Variants in FHIT observed in about 807,000 individuals in gnomAD.
The protein encoded by FHIT is fragile histidine triad diadenosine triphosphatase, also known as bis(5'-adenosyl)-triphosphatase.
FHIT carries 19 observed loss-of-function variants against 17.9 expected under a neutral mutation model. The ratio of observed to expected loss-of-function variants is 1.06; its 90% CI spans 0.74 to 1.56. The LOEUF (loss-of-function observed/expected upper bound fraction) is 1.56. Ranked by LOEUF, FHIT falls within the 40% of genes most tolerant of loss-of-function variation. The pLI, the probability that FHIT is intolerant of heterozygous loss-of-function variation, is 0.00. For missense variants in FHIT, 248 were observed against 189.2 expected (o/e 1.31, Z -1.82); for synonymous variants, 81 against 69.7 (o/e 1.16, Z -0.81).
intron 3 of FHIT, among the ~76,000 whole-genome samples, chr3:60,842,614 C>CAT (rs1373895016): frequency 1.7e-5 from 2 of 115,338 alleles, no homozygotes; most frequent in Admixed American, 8.8e-5. Context: ...TATATATATA[C>CAT]ATATATATAT....
chr3:59,820,618 T>C (rs1225247757), intron 8 of FHIT, among the ~76,000 whole-genome samples: 1 of 152,248 alleles, frequency 6.6e-6, no homozygotes, highest in East Asian at 1.9e-4. Flanking sequence ...TTGGCTGCTT[T>C]AGTGCTAAAG....
At chr3:60,729,276 C>T (rs1202055994) in intron 4 of FHIT, among the ~76,000 whole-genome samples, 2 of 152,112 alleles carry the variant, frequency 1.3e-5, no homozygotes, top group African/African-American at 4.8e-5. Context: ...AGTGGATGCG[C>T]CAGTGTGGAA....
At chr3:60,957,191 G>A (rs938812491) in intron 3 of FHIT, among the ~76,000 whole-genome samples, 1 of 148,164 alleles carries the variant, frequency 6.7e-6, no homozygotes, top group East Asian at 2.0e-4. Context: ...AAGCAAACTA[G>A]AGCCAGAAAA....
intron 8 of FHIT, among the ~76,000 whole-genome samples, chr3:59,828,812 TTTTG>T (rs767681775): frequency 4.0e-5 from 6 of 150,000 alleles, no homozygotes; most frequent in Non-Finnish European, 5.9e-5. Context: ...AGTAGAGGTT[TTTTG>T]TTTTTGTTTT....
chr3:61,179,182 G>A (rs983467321), intron 2 of FHIT, among the ~76,000 whole-genome samples: 8 of 151,554 alleles, frequency 5.3e-5, no homozygotes, highest in Non-Finnish European at 1.2e-4. Flanking sequence ...GCTAATTTTT[G>A]TATTTTTAGT....
chr3:60,470,381 C>T (rs1438630941), intron 5 of FHIT, among the ~76,000 whole-genome samples: 1 of 152,080 alleles, frequency 6.6e-6, no homozygotes, highest in Non-Finnish European at 1.5e-5. Flanking sequence ...TAGAAATCTA[C>T]TTGGTGCTCT....
At chr3:60,605,540 T>G (rs933267907) in intron 4 of FHIT, among the ~76,000 whole-genome samples, 11 of 152,216 alleles carry the variant, frequency 7.2e-5, no homozygotes, top group African/African-American at 2.2e-4. Context: ...TTTATTTATA[T>G]TTCAATGTAT....
At chr3:60,762,024 T>C (rs1158946761) in intron 4 of FHIT, among the ~76,000 whole-genome samples, 1 of 152,094 alleles carries the variant, frequency 6.6e-6, no homozygotes, top group African/African-American at 2.4e-5. Flanking sequence ...AATTCACATA[T>C]CCAAAGAGAC....
In FHIT at chr3:60,973,371, C is replaced by T. The variant is rs572596241; in HGVS notation, c.-111+68676G>A. ...TGAGACACTGAGACTGCTACAATATCTGCTTTGCCATTTACTCCTGTATCA... is the reference window on the plus strand; with the variant it reads ...TGAGACACTGAGACTGCTACAATATTTGCTTTGCCATTTACTCCTGTATCA... On this transcript the variant is annotated intron_variant, in intron 3 of 9. Transcript: ENST00000492590. 5.9e-5 allele frequency among the ~76,000 whole-genome samples: 9 copies of T among 152,270 alleles called. No individual in the cohort carries two copies. In the East Asian group the frequency reaches 1.7e-3, roughly 29 times the overall value.
chr3:59,768,834 A>G (rs1204043948), intron 8 of FHIT, among the ~76,000 whole-genome samples: 2 of 152,266 alleles, frequency 1.3e-5, no homozygotes, highest in Non-Finnish European at 2.9e-5. Flanking sequence ...AGGCAGGAAC[A>G]GATACACATT....
At chr3:60,006,167 A>G (rs1014569840) in intron 7 of FHIT, among the ~76,000 whole-genome samples, 9 of 152,184 alleles carry the variant, frequency 5.9e-5, no homozygotes, top group African/African-American at 2.2e-4. Flanking sequence ...CAGAGGCTAA[A>G]AATGTTCGGA....
rs138874987 is a variant in FHIT, at chr3:60,579,491, G to C, written c.-17-42512C>G. Among the ~76,000 whole-genome samples, 19 of 152,108 alleles carry C rather than the reference G, an allele frequency of 1.2e-4. No homozygotes were observed. In the East Asian group the frequency reaches 3.1e-3, roughly 25 times the overall value. On this transcript the variant is annotated intron_variant, in intron 4 of 9. Transcript: ENST00000492590. ...TAAAAATAAAGTGTATGTTGACTTA[G>C]TTAGTGCCCTGGCAAGTTAATATGT...
chr3:60,393,761 C>CT (rs1701325489), intron 5 of FHIT, among the ~76,000 whole-genome samples: 2 of 152,118 alleles, frequency 1.3e-5, no homozygotes, highest in Non-Finnish European at 2.9e-5. Flanking sequence ...AATGAGGCCT[C>CT]TGGCAACCAT....
At chr3:59,806,921 A>G (rs1176425224) in intron 8 of FHIT, among the ~76,000 whole-genome samples, 2 of 152,132 alleles carry the variant, frequency 1.3e-5, no homozygotes, top group Non-Finnish European at 2.9e-5. Flanking sequence ...AAGCCCCTCT[A>G]TTAATTATTT....
chr3:61,128,933 TCTTA>T (rs1405446968), intron 2 of FHIT, among the ~76,000 whole-genome samples: 1 of 152,148 alleles, frequency 6.6e-6, no homozygotes, highest in Non-Finnish European at 1.5e-5. Context: ...TGAAATATGT[TCTTA>T]CTTAGGAAAA....
chr3:59,758,922 G>A (rs560617823), intron 8 of FHIT, among the ~76,000 whole-genome samples: 5 of 152,058 alleles, frequency 3.3e-5, no homozygotes, highest in Non-Finnish European at 5.9e-5. Flanking sequence ...CTACTGGGCT[G>A]AGTTCTAGAA....
At chr3:60,807,087 G>T (rs984485610) in intron 4 of FHIT, among the ~76,000 whole-genome samples, 1 of 152,120 alleles carries the variant, frequency 6.6e-6, no homozygotes, top group Non-Finnish European at 1.5e-5. Context: ...TTGAAGTATT[G>T]CCAAGAAATT....
At chr3:60,504,430 CAA>C (rs10553211) in intron 5 of FHIT, among the ~76,000 whole-genome samples, 65,772 of 145,968 alleles carry the variant, frequency 0.45, 14,525 homozygotes, top group African/African-American at 0.5. Flanking sequence ...GACCCCGTCT[CAA>C]AAAAAAAAAA....
intron 3 of FHIT, among the ~76,000 whole-genome samples, chr3:60,887,028 T>G (rs1468656639): frequency 1.3e-5 from 2 of 152,238 alleles, no homozygotes; most frequent in Non-Finnish European, 2.9e-5. Flanking sequence ...CTATGTTATT[T>G]TTTTACCATC....
Sources: allele counts gnomAD v4.1 joint callset (sites outside exome capture counted in the v4.1 genomes callset), GRCh38; gene constraint gnomAD v4.1.1; transcripts MANE v1.5; gene names NCBI Gene and HGNC (gene_info 2026-07-23, HGNC 2026-07-21).